Variants in NRCAM observed in about 807,000 individuals in gnomAD.
NRCAM encodes the protein neuronal cell adhesion molecule.
Under a neutral mutation model 156.5 loss-of-function variants are expected in NRCAM, and 83 were observed. The observed-to-expected ratio is 0.53, with a 90% CI of 0.44 to 0.64. The LOEUF is 0.64. NRCAM is among the 30% of genes least tolerant of loss of function. NRCAM has a pLI of 0.00. For missense variants in NRCAM, 1,417 were observed against 1,597.3 expected (o/e 0.89, Z 1.92); for synonymous variants, 538 against 563.9 (o/e 0.95, Z 0.65).
chr7:108,275,052 G>GT (rs1244058493), intron 3 of NRCAM, among the ~76,000 whole-genome samples: 1 of 152,222 alleles, frequency 6.6e-6, no homozygotes, highest in East Asian at 1.9e-4. Context: ...ATTGATTTGC[G>GT]TATGTTGAAC....
chr7:108,313,967 C>G (rs1317004175), intron 2 of NRCAM, among the ~76,000 whole-genome samples: 1 of 152,192 alleles, frequency 6.6e-6, no homozygotes, highest in Non-Finnish European at 1.5e-5. Flanking sequence ...CTTCATGCTT[C>G]CTACCATGAG....
At chr7:108,213,051 C>A (rs898639828) in intron 11 of NRCAM, among the ~76,000 whole-genome samples, 1 of 152,186 alleles carries the variant, frequency 6.6e-6, no homozygotes, top group African/African-American at 2.4e-5. Flanking sequence ...GAGTTCTCAG[C>A]AGAAATCCTA....
chr7:108,301,248 T>C (rs1397351187), intron 3 of NRCAM, among the ~76,000 whole-genome samples: 1 of 152,254 alleles, frequency 6.6e-6, no homozygotes, highest in Non-Finnish European at 1.5e-5. Flanking sequence ...AGACGATTAA[T>C]GTAATTTCAT....
At chr7:108,413,473 A>G (rs1797867667) in intron 1 of NRCAM, among the ~76,000 whole-genome samples, 1 of 152,154 alleles carries the variant, frequency 6.6e-6, no homozygotes, top group African/African-American at 2.4e-5. Flanking sequence ...CCCATTCCAA[A>G]TAACCCTTTC....
At chr7:108,263,279 C>A (rs190486307) in intron 3 of NRCAM, among the ~76,000 whole-genome samples, 1 of 152,348 alleles carries the variant, frequency 6.6e-6, no homozygotes, top group African/African-American at 2.4e-5. Context: ...AATTTCATTT[C>A]TTTCCTTGCC....
At chr7:108,363,070 G>A (rs1227358527) in intron 2 of NRCAM, among the ~76,000 whole-genome samples, 3 of 152,058 alleles carry the variant, frequency 2.0e-5, no homozygotes, top group Non-Finnish European at 4.4e-5. Flanking sequence ...CCAATTGAAA[G>A]AGCTCCCAAT....
At chr7:108,364,983 T>C (rs1259242726) in intron 2 of NRCAM, among the ~76,000 whole-genome samples, 1 of 152,158 alleles carries the variant, frequency 6.6e-6, no homozygotes, top group African/African-American at 2.4e-5. Context: ...TATATCTCAA[T>C]ATAGCTGTTA....
At chr7:108,415,921 G>C (rs984214691) in intron 1 of NRCAM, among the ~76,000 whole-genome samples, 1 of 152,204 alleles carries the variant, frequency 6.6e-6, no homozygotes, top group Non-Finnish European at 1.5e-5. Flanking sequence ...AAGGAGATGA[G>C]AGGGCTCCGT....
At chr7:108,301,518 C>T (rs2098611143) in intron 3 of NRCAM, among the ~76,000 whole-genome samples, 1 of 152,140 alleles carries the variant, frequency 6.6e-6, no homozygotes, top group African/African-American at 2.4e-5. Flanking sequence ...GCAGGGTGCC[C>T]CCATGACACC....
At chr7:108,150,251 G>C in intron 32 of NRCAM, 104 bp from the exon 33 acceptor site, 2 of 889,270 alleles carry the variant, frequency 2.2e-6, no homozygotes, top group East Asian at 4.8e-5. Context: ...TGGAGTCCTG[G>C]GCTTCTCTGG....
chr7:108,184,123 TATA>T (rs1390308005), intron 22 of NRCAM, 115 bp downstream of exon 22: 3 of 553,460 alleles, frequency 5.4e-6, no homozygotes, highest in East Asian at 3.4e-5. Flanking sequence ...TATATATATA[TATA>T]TATTTTTTTT....
At chr7:108,375,141 C>T (rs1266246159) in intron 2 of NRCAM, among the ~76,000 whole-genome samples, 1 of 152,054 alleles carries the variant, frequency 6.6e-6, no homozygotes, top group African/African-American at 2.4e-5. Flanking sequence ...GACTGAGGAG[C>T]CCCTATCTAG....
rs2065524046 is a variant in NRCAM at position 108,184,562 on chromosome 7, G to A, written c.2088C>T (p.His696=). Residue 696 remains histidine, a synonymous_variant, in exon 21 of 33, where the codon CAC becomes CAT. Coordinates refer to ENST00000379028, the MANE Select transcript of NRCAM (RefSeq NM_001037132.4). ...TCTGTGTTCCAGAAACTTCAGTTTG[G>A]TGGTGCCACAGCCCTGGCTTGTGCA... ...DAMHKPGLWH[H]QTEVSGTQTT... is the part of the protein sequence containing the mutation. The A allele has an allele frequency of 6.2e-7, 1 of 1,613,826 alleles. No homozygotes were observed. Among genetic ancestry groups the A allele is most frequent in the Admixed American group, 1.7e-5 (1 of 60,000 alleles).
intron 2 of NRCAM, among the ~76,000 whole-genome samples, chr7:108,353,775 T>C (rs550596200): frequency 2.0e-4 from 31 of 152,384 alleles, no homozygotes; most frequent in African/African-American, 7.5e-4. Context: ...AATGAATACA[T>C]GAATGAGTTT....
chr7:108,410,991 GTTT>G (rs1025593040), intron 1 of NRCAM, among the ~76,000 whole-genome samples: 1 of 145,388 alleles, frequency 6.9e-6, no homozygotes, highest in African/African-American at 2.5e-5. Flanking sequence ...TCCATTTTCA[GTTT>G]TATTCTGTTT....
chr7:108,318,654 A>ATG (rs1416482587), intron 2 of NRCAM, among the ~76,000 whole-genome samples: 1 of 152,124 alleles, frequency 6.6e-6, no homozygotes, highest in East Asian at 1.9e-4. Flanking sequence ...ATGAGTGCAC[A>ATG]TGTGTGTGTG....
At chr7:108,263,950 T>A (rs2096982029) in intron 3 of NRCAM, among the ~76,000 whole-genome samples, 1 of 152,252 alleles carries the variant, frequency 6.6e-6, no homozygotes, top group East Asian at 1.9e-4. Flanking sequence ...CTATGTTTAA[T>A]ACTATGTATA....
intron 28 of NRCAM, among the ~76,000 whole-genome samples, chr7:108,170,363 A>C (rs1041444599): frequency 6.6e-6 from 1 of 152,216 alleles, no homozygotes; most frequent in African/African-American, 2.4e-5. Flanking sequence ...TGGGCCCCAG[A>C]ATCACTAAGC....
chr7:108,377,637 C>T (rs1181203816), intron 2 of NRCAM, among the ~76,000 whole-genome samples: 2 of 152,038 alleles, frequency 1.3e-5, no homozygotes, highest in Non-Finnish European at 2.9e-5. Context: ...CCTTCAATAC[C>T]CAGAGCAAGA....
Sources: allele counts gnomAD v4.1 joint callset (sites outside exome capture counted in the v4.1 genomes callset), GRCh38; gene constraint gnomAD v4.1.1; transcripts MANE v1.5; gene names NCBI Gene and HGNC (gene_info 2026-07-23, HGNC 2026-07-21).